The following CSMD1 variants were observed in gnomAD, a reference collection of about 807,000 sequenced individuals.
CSMD1 encodes the protein CUB and sushi domain-containing protein 1.
CSMD1 carries 213 observed loss-of-function variants against 417.5 expected under a neutral mutation model. The ratio of observed to expected loss-of-function variants is 0.51; its 90% CI spans 0.46 to 0.57. CSMD1 has a LOEUF of 0.57. Among genes scored for constraint, CSMD1 ranks in the 20% least tolerant of loss-of-function variants. The pLI, the probability that CSMD1 is intolerant of heterozygous loss-of-function variation, is 0.00. For missense variants in CSMD1, 6,923 were observed against 4,529.7 expected (o/e 1.53, Z -15.17); for synonymous variants, 2,862 against 1,736.8 (o/e 1.65, Z -16.11).
At chr8:4,898,415 G>A (rs1352210862) in intron 1 of CSMD1, among the ~76,000 whole-genome samples, 2 of 152,300 alleles carry the variant, frequency 1.3e-5, no homozygotes, top group African/African-American at 4.8e-5. Flanking sequence ...GCCACACAGT[G>A]ACTGGGTGAT....
At chr8:3,822,557 C>T (rs1036673811) in intron 5 of CSMD1, among the ~76,000 whole-genome samples, 2 of 152,172 alleles carry the variant, frequency 1.3e-5, no homozygotes, top group Non-Finnish European at 2.9e-5. Flanking sequence ...TTCTTTGCTT[C>T]CGCCTCTATC....
At position 3,396,279 on chromosome 8, in the gene CSMD1, G is replaced by A. The variant is rs747499556; in HGVS notation, c.2508C>T (p.Phe836=). Reference sequence around the variant, plus strand: ...ACATGAAGTTCCCGGTGCTGATGAGGAACTGGGGTGCCTGGGTGCCGTGGT... The same window carrying A: ...ACATGAAGTTCCCGGTGCTGATGAGAAACTGGGGTGCCTGGGTGCCGTGGT... ...GEYHGTQAPQ[F]LISTGNFMYL... The change falls in exon 17 of 70, where the codon TTC becomes TTT. Residue 836 remains phenylalanine (F), a synonymous_variant. Coordinates refer to ENST00000635120, the MANE Select transcript of CSMD1 (RefSeq NM_033225.6). 18 of 1,598,960 alleles carry A rather than the reference G, an allele frequency of 1.1e-5. No homozygotes were observed. In the Admixed American group the frequency reaches 2.9e-4, roughly 26 times the overall value.
At chr8:4,329,690 A>C (rs1321107836) in intron 3 of CSMD1, among the ~76,000 whole-genome samples, 1 of 152,100 alleles carries the variant, frequency 6.6e-6, no homozygotes, top group Non-Finnish European at 1.5e-5. Context: ...TTGAGATGTG[A>C]TACCCAGTGT....
intron 27 of CSMD1, among the ~76,000 whole-genome samples, chr8:3,227,179 T>C (rs1798557661): frequency 6.6e-6 from 1 of 152,048 alleles, no homozygotes; most frequent in Non-Finnish European, 1.5e-5. Flanking sequence ...GGCAGGCAGA[T>C]CATGAAGTCA....
At position 3,367,262 on chromosome 8, in the gene CSMD1, C is replaced by CGG. The variant is rs765788753; in HGVS notation, c.2900-17_2900-16dup. ...CATTTGAACTCCTGAGAAATGAAGC[C>CGG]GGGGGAGAGAGAGAGAGACAGAGAG... is the stretch of plus-strand genomic sequence containing the variant. On this transcript the variant is annotated splice_polypyrimidine_tract_variant and intron_variant, in intron 19 of 69. Coordinates refer to ENST00000635120, the MANE Select transcript of CSMD1 (RefSeq NM_033225.6). 1 of 1,576,372 alleles carries CGG rather than the reference C, an allele frequency of 6.3e-7. No homozygotes were observed.
Position 4,044,201 on chromosome 8 carries a change from C to T in CSMD1, c.416-12102G>A, listed in dbSNP as rs552690775. On this transcript the variant is annotated intron_variant, in intron 3 of 69. Transcript: ENST00000635120. The stretch of plus-strand genomic sequence containing the variant: ...TTCATTCTAAAAGTTGAGGGATCTG[C>T]ACAATAACTGCTGTTTCAAATACAA... Among the ~76,000 whole-genome samples, 5 of 152,174 alleles carry T rather than the reference C, an allele frequency of 3.3e-5. No homozygotes were observed. In the South Asian group the frequency reaches 1.0e-3, roughly 32 times the overall value.
intron 7 of CSMD1, among the ~76,000 whole-genome samples, chr8:3,647,361 G>C (rs962215639): frequency 7.2e-6 from 1 of 138,746 alleles, no homozygotes; most frequent in Admixed American, 7.7e-5. Context: ...GAAATATCAC[G>C]TAAAGTGAAA....
intron 12 of CSMD1, among the ~76,000 whole-genome samples, chr8:3,410,660 G>T (rs967448379): frequency 6.6e-6 from 1 of 152,142 alleles, no homozygotes; most frequent in East Asian, 1.9e-4. Flanking sequence ...TTTATAAATT[G>T]CCCAGTCTTG....
intron 5 of CSMD1, among the ~76,000 whole-genome samples, chr8:3,976,348 G>T (rs1280902198): frequency 1.3e-5 from 2 of 152,064 alleles, no homozygotes; most frequent in Non-Finnish European, 2.9e-5. Context: ...AAACTGAAAG[G>T]TAACTATCAT....
chr8:3,283,299 C>A (rs9650506), intron 26 of CSMD1, among the ~76,000 whole-genome samples: 88,310 of 151,916 alleles, frequency 0.58, 26,610 homozygotes, highest in Non-Finnish European at 0.67. Flanking sequence ...AAGTGTCAGA[C>A]TGGGGCATGT....
rs145130624 is a variant in CSMD1 at position 3,295,976 on chromosome 8, T to C, written c.3951-11630A>G. On this transcript the variant is annotated intron_variant, in intron 25 of 69. Coordinates refer to ENST00000635120, the MANE Select transcript of CSMD1 (RefSeq NM_033225.6). ...GAGTCCTGCCTTCGTGGAGTTCGTG[T>C]TGTACAGGGAAGAGATAGGCAAACC... 1.8e-4 allele frequency among the ~76,000 whole-genome samples: 28 copies of C among 152,104 alleles called. 1 individual carries two copies. In the East Asian group the frequency reaches 2.5e-3, roughly 14 times the overall value.
chr8:4,234,776 T>C (rs1801946522), intron 3 of CSMD1, among the ~76,000 whole-genome samples: 2 of 152,146 alleles, frequency 1.3e-5, no homozygotes, highest in Non-Finnish European at 2.9e-5. Context: ...AGATCTGGGC[T>C]AACTTGCCCC....
chr8:4,294,194 T>G (rs1027681534), intron 3 of CSMD1, among the ~76,000 whole-genome samples: 2 of 152,116 alleles, frequency 1.3e-5, no homozygotes, highest in African/African-American at 2.4e-5. Context: ...TACACCCCAA[T>G]TTCAGGGACA....
intron 3 of CSMD1, among the ~76,000 whole-genome samples, chr8:4,158,498 G>C (rs188820932): frequency 6.6e-6 from 1 of 152,182 alleles, no homozygotes; most frequent in African/African-American, 2.4e-5. Flanking sequence ...ATGGCAAAAG[G>C]ATATTGGAAA....
intron 5 of CSMD1, among the ~76,000 whole-genome samples, chr8:3,770,589 C>G (rs929946627): frequency 6.6e-6 from 1 of 152,038 alleles, no homozygotes; most frequent in Admixed American, 6.6e-5. Context: ...AGGCCTGTCG[C>G]ACATGCAGAA....
At chr8:3,958,846 G>C (rs17068216) in intron 5 of CSMD1, among the ~76,000 whole-genome samples, 40,022 of 152,050 alleles carry the variant, frequency 0.26, 5,687 homozygotes, top group South Asian at 0.47. Flanking sequence ...TGTGTAGTAG[G>C]TGAAGTGTAA....
At chr8:3,494,559 G>T (rs1796280779) in intron 10 of CSMD1, among the ~76,000 whole-genome samples, 1 of 9,386 alleles carries the variant, frequency 1.1e-4, no homozygotes, top group African/African-American at 3.9e-4. Context: ...TTAGATGATA[G>T]ATAGATAGAT....
intron 39 of CSMD1, among the ~76,000 whole-genome samples, chr8:3,156,056 G>A (rs76339884): frequency 6.6e-6 from 1 of 152,212 alleles, no homozygotes. Context: ...CGCTTTACTT[G>A]TGGGTGCCCA....
intron 49 of CSMD1, among the ~76,000 whole-genome samples, chr8:3,077,181 G>A (rs1385083910): frequency 2.4e-4 from 36 of 152,298 alleles, no homozygotes; most frequent in Non-Finnish European, 5.9e-5. Context: ...TGGGAGTCAG[G>A]AATGCATTTT....
Sources: allele counts gnomAD v4.1 joint callset (sites outside exome capture counted in the v4.1 genomes callset), GRCh38; gene constraint gnomAD v4.1.1; transcripts MANE v1.5; gene names NCBI Gene and HGNC (gene_info 2026-07-23, HGNC 2026-07-21).